The following ERC2 variants were observed in gnomAD, a reference collection of about 807,000 sequenced individuals.
The protein encoded by ERC2 is ERC protein 2.
ERC2 carries 42 observed loss-of-function variants against 114.8 expected under a neutral mutation model. The observed-to-expected ratio is 0.37, with a 90% CI of 0.29 to 0.47. The LOEUF is 0.47. Ranked by LOEUF, ERC2 falls within the 20% of genes least tolerant of loss-of-function variation. The pLI is 0.99. For missense variants in ERC2, 939 were observed against 1,150.7 expected, an observed-to-expected ratio of 0.82 and a Z score of 2.66; for synonymous variants, 454 against 425.5, an observed-to-expected ratio of 1.07 and a Z score of -0.82.
intron 3 of ERC2, among the ~76,000 whole-genome samples, chr3:56,205,379 G>C (rs1291354789): frequency 6.6e-6 from 1 of 152,146 alleles, no homozygotes; most frequent in Non-Finnish European, 1.5e-5. Flanking sequence ...AGAAAGAGGA[G>C]TATCTTTTTA....
chr3:56,355,097 A>G (rs552639337), intron 2 of ERC2, among the ~76,000 whole-genome samples: 1 of 152,340 alleles, frequency 6.6e-6, no homozygotes, highest in African/African-American at 2.4e-5. Flanking sequence ...CTAGGGTCCA[A>G]AAATGATCCT....
chr3:56,402,964 C>T (rs1020852437), intron 2 of ERC2, among the ~76,000 whole-genome samples: 1 of 152,140 alleles, frequency 6.6e-6, no homozygotes, highest in Non-Finnish European at 1.5e-5. Flanking sequence ...TCCCTGGCCT[C>T]GACCCGTTAA....
intron 2 of ERC2, among the ~76,000 whole-genome samples, chr3:56,366,164 C>T (rs868641077): frequency 2.0e-5 from 3 of 152,180 alleles, no homozygotes; most frequent in Non-Finnish European, 4.4e-5. Flanking sequence ...CTAGTTAGCC[C>T]GCCTCCAGCT....
At position 56,148,960 on chromosome 3, in the gene ERC2, A is replaced by G. The variant is rs1444782268; in HGVS notation, c.1305+17T>C. 6.2e-7 allele frequency: 1 copy of G among 1,609,036 alleles called. No homozygotes were observed. The highest frequency in any genetic ancestry group is 8.5e-7 in the Non-Finnish European group (1 of 1,177,840). On this transcript the variant is annotated intron_variant, in intron 5 of 17. Coordinates refer to ENST00000288221, the MANE Select transcript of ERC2 (RefSeq NM_015576.3). ...AGTCACATTAAGAACATAAAAGTTT[A>G]TAACCCTGGACCGTACCTTGGTCTT...
At chr3:55,890,225 C>T (rs558421376) in intron 13 of ERC2, among the ~76,000 whole-genome samples, 73 of 152,244 alleles carry the variant, frequency 4.8e-4, no homozygotes, top group African/African-American at 1.7e-3. Flanking sequence ...GAAGTTAAAG[C>T]GGAGTTTTGA....
At chr3:56,006,973 T>C (rs2072542488) in intron 10 of ERC2, among the ~76,000 whole-genome samples, 1 of 152,088 alleles carries the variant, frequency 6.6e-6, no homozygotes, top group Admixed American at 6.6e-5. Context: ...CAAGTTTTTC[T>C]TAAACAGGAA....
chr3:56,352,344 G>A (rs1202711576), intron 2 of ERC2, among the ~76,000 whole-genome samples: 1 of 152,108 alleles, frequency 6.6e-6, no homozygotes, highest in Non-Finnish European at 1.5e-5. Flanking sequence ...TAGGCATTTG[G>A]CACTGATTTG....
intron 17 of ERC2, among the ~76,000 whole-genome samples, chr3:55,586,727 C>A (rs2057624090): frequency 6.6e-6 from 1 of 152,186 alleles, no homozygotes; most frequent in African/African-American, 2.4e-5. Context: ...TTTATATCAT[C>A]TTATTATTCT....
Position 56,429,360 on chromosome 3 carries a change from C to T in ERC2, c.657+4991G>A, listed in dbSNP as rs1352922723. Among the ~76,000 whole-genome samples the T allele has an allele frequency of 2.0e-5, 3 of 152,182 alleles. No individual in the cohort carries two copies. The East Asian group carries it at 5.8e-4, about 29-fold the overall frequency. ...CAGTGTAGTATGGCAGCAGAACATC[C>T]TTTCTCAATACTTTCTCCTCATCCC... On this transcript the variant is annotated intron_variant, in intron 2 of 17. Coordinates refer to ENST00000288221, the MANE Select transcript of ERC2 (RefSeq NM_015576.3).
At chr3:56,448,808 G>T (rs1339596374) in intron 1 of ERC2, among the ~76,000 whole-genome samples, 1 of 152,160 alleles carries the variant, frequency 6.6e-6, no homozygotes, top group African/African-American at 2.4e-5. Flanking sequence ...GGGCGCGGTG[G>T]CTCACACCTG....
intron 6 of ERC2, among the ~76,000 whole-genome samples, chr3:56,119,871 C>A (rs960788192): frequency 6.6e-6 from 1 of 152,128 alleles, no homozygotes; most frequent in African/African-American, 2.4e-5. Flanking sequence ...GATATCCAAG[C>A]CTTGCTCTTA....
chr3:55,737,047 A>G (rs1204272195), intron 14 of ERC2, among the ~76,000 whole-genome samples: 1 of 152,148 alleles, frequency 6.6e-6, no homozygotes, highest in Non-Finnish European at 1.5e-5. Context: ...CCTCGCACAC[A>G]AGGCCCAGGA....
chr3:56,099,342 A>G (rs1278702683), intron 6 of ERC2, among the ~76,000 whole-genome samples: 3 of 152,212 alleles, frequency 2.0e-5, no homozygotes, highest in African/African-American at 7.2e-5. Context: ...TGGCTGTCCT[A>G]GAAAACTTAT....
At chr3:56,028,930 G>A (rs920624602) in intron 7 of ERC2, among the ~76,000 whole-genome samples, 1 of 151,930 alleles carries the variant, frequency 6.6e-6, no homozygotes, top group Non-Finnish European at 1.5e-5. Context: ...ACAGATGTTC[G>A]CTATAGGTTT....
At chr3:56,249,110 GA>G (rs1224092304) in intron 3 of ERC2, among the ~76,000 whole-genome samples, 2 of 152,210 alleles carry the variant, frequency 1.3e-5, no homozygotes, top group Non-Finnish European at 2.9e-5. Context: ...CTAGAGCTGA[GA>G]GCAAAATTGG....
At chr3:56,085,918 T>C (rs1238135442) in intron 6 of ERC2, among the ~76,000 whole-genome samples, 1 of 152,132 alleles carries the variant, frequency 6.6e-6, no homozygotes. Context: ...GGTCTATATC[T>C]GGACTAAAGG....
chr3:56,202,825 T>C (rs2048483594), intron 3 of ERC2, among the ~76,000 whole-genome samples: 1 of 152,166 alleles, frequency 6.6e-6, no homozygotes, highest in Non-Finnish European at 1.5e-5. Context: ...GCATAGTGAC[T>C]ACAGTTAATG....
At chr3:56,378,426 T>G (rs1234126165) in intron 2 of ERC2, among the ~76,000 whole-genome samples, 2 of 74,114 alleles carry the variant, frequency 2.7e-5, no homozygotes, top group East Asian at 4.6e-4. Context: ...TGTTGTGGGG[T>G]GGGGGGAGGG....
chr3:55,914,699 C>T (rs78467890), intron 13 of ERC2, among the ~76,000 whole-genome samples: 2,725 of 152,274 alleles, frequency 0.018, 41 homozygotes, highest in Middle Eastern at 0.068. Context: ...CATTTTCCAA[C>T]CAGCAGATGT....
Sources: allele counts gnomAD v4.1 joint callset (sites outside exome capture counted in the v4.1 genomes callset), GRCh38; gene constraint gnomAD v4.1.1; transcripts MANE v1.5; gene names NCBI Gene and HGNC (gene_info 2026-07-23, HGNC 2026-07-21).